The following SRD5A2 variants were observed in gnomAD, a reference collection of about 807,000 sequenced individuals.
The protein encoded by SRD5A2 is steroid 5 alpha-reductase 2.
Under a neutral mutation model 27.4 loss-of-function variants are expected in SRD5A2, and 30 were observed. The observed-to-expected ratio is 1.10, with a 90% CI of 0.82 to 1.49. The LOEUF is 1.49. Among genes scored for constraint, SRD5A2 ranks in the 40% most tolerant of loss-of-function variants. SRD5A2 has a pLI of 0.00. For synonymous variants in SRD5A2, 141 were observed against 133.6 expected (o/e 1.06, Z -0.38); for missense variants, 348 against 323.4 (o/e 1.08, Z -0.58).
chr2:31,565,549 T>A (rs1417762589), intron 1 of SRD5A2, among the ~76,000 whole-genome samples: 1 of 151,710 alleles, frequency 6.6e-6, no homozygotes, highest in African/African-American at 2.4e-5. Flanking sequence ...TAAAAAGAAA[T>A]CTGTAGTGGC....
At chr2:31,600,500 T>C in the SRD5A2 span, among the ~76,000 whole-genome samples, 1 of 152,032 alleles carries the variant, frequency 6.6e-6, no homozygotes, top group Admixed American at 6.6e-5. Flanking sequence ...CAGCATCTGT[T>C]ATTTTTTGAC....
At chr2:31,539,186 A>G (rs188254204) in intron 1 of SRD5A2, among the ~76,000 whole-genome samples, 2 of 152,350 alleles carry the variant, frequency 1.3e-5, no homozygotes, top group East Asian at 3.9e-4. Flanking sequence ...CATATGGGCT[A>G]GAAACCTTAG....
At chr2:31,575,481 G>C (rs1020340717) in intron 1 of SRD5A2, among the ~76,000 whole-genome samples, 22 of 152,186 alleles carry the variant, frequency 1.4e-4, no homozygotes, top group African/African-American at 5.3e-4. Context: ...CCAAAGAACA[G>C]CATCACAACT....
rs566572415 is a variant in SRD5A2 at position 31,556,769 on chromosome 2, T to G, written c.282-23003A>C. Among the ~76,000 whole-genome samples the G allele has an allele frequency of 7.0e-4, 106 of 152,322 alleles. 1 individual carries two copies. The South Asian group carries it at 0.022, about 31-fold the overall frequency. ...TATTTTGTTTTAAGCCACTTTGTGG[T>G]AATTTATTACAGCAGTCACAGGAAG... On this transcript the variant is annotated intron_variant, in intron 1 of 4. Transcript: ENST00000622030.
At chr2:31,587,018 T>C in the SRD5A2 span, among the ~76,000 whole-genome samples, 42 of 152,212 alleles carry the variant, frequency 2.8e-4, no homozygotes, top group African/African-American at 9.2e-4. Context: ...ATCAGATAAA[T>C]TTAACAAAGA....
At chr2:31,571,195 T>C (rs899437394) in intron 1 of SRD5A2, among the ~76,000 whole-genome samples, 3 of 152,060 alleles carry the variant, frequency 2.0e-5, no homozygotes, top group Non-Finnish European at 4.4e-5. Flanking sequence ...TGGAACAGGA[T>C]AGAGTGCCCA....
At chr2:31,588,013 C>T in the SRD5A2 span, among the ~76,000 whole-genome samples, 1 of 151,816 alleles carries the variant, frequency 6.6e-6, no homozygotes, top group Non-Finnish European at 1.5e-5. Flanking sequence ...CAGAATTGAT[C>T]AAGCAGAAGA....
At chr2:31,653,178 T>C in the SRD5A2 span, among the ~76,000 whole-genome samples, 1 of 152,244 alleles carries the variant, frequency 6.6e-6, no homozygotes, top group African/African-American at 2.4e-5. Context: ...AAGTCCGTCC[T>C]AGTTCCAAGG....
At chr2:31,642,986 G>GA in the SRD5A2 span, among the ~76,000 whole-genome samples, 22 of 151,104 alleles carry the variant, frequency 1.5e-4, no homozygotes, top group South Asian at 3.2e-3. Context: ...ATTTACGGTG[G>GA]AAAAAAAAAG....
At chr2:31,600,313 G>A in the SRD5A2 span, among the ~76,000 whole-genome samples, 15 of 151,922 alleles carry the variant, frequency 9.9e-5, no homozygotes, top group South Asian at 2.1e-4. Context: ...ACGTCTTTAC[G>A]ATAGAATGAT....
intron 2 of SRD5A2, among the ~76,000 whole-genome samples, chr2:31,531,849 G>A (rs558529676): frequency 6.6e-6 from 1 of 152,294 alleles, no homozygotes; most frequent in African/African-American, 2.4e-5. Flanking sequence ...CTCAACAGCT[G>A]ATTCCAGCCC....
chr2:31,595,691 C>T, the SRD5A2 span, among the ~76,000 whole-genome samples: 2 of 152,118 alleles, frequency 1.3e-5, no homozygotes, highest in African/African-American at 4.8e-5. Context: ...AGAGTCCTCC[C>T]TACATCATTT....
chr2:31,596,385 CAAAAA>C, the SRD5A2 span, among the ~76,000 whole-genome samples: 3 of 63,884 alleles, frequency 4.7e-5, no homozygotes, highest in Admixed American at 3.9e-4. Context: ...AAGACTCCAC[CAAAAA>C]AAAAAAAAAA....
chr2:31,584,494 G>A (rs1227433282), upstream of SRD5A2, among the ~76,000 whole-genome samples: 1 of 152,100 alleles, frequency 6.6e-6, no homozygotes, highest in East Asian at 1.9e-4. Flanking sequence ...TTAAGGACAT[G>A]GTCCTCCATA....
the SRD5A2 span, among the ~76,000 whole-genome samples, chr2:31,656,678 G>A: frequency 1.3e-5 from 2 of 152,146 alleles, no homozygotes; most frequent in East Asian, 1.9e-4. Context: ...GAGAGACTAA[G>A]GCCCCACCAG....
intron 1 of SRD5A2, among the ~76,000 whole-genome samples, chr2:31,568,287 G>C (rs551122446): frequency 1.3e-5 from 2 of 152,118 alleles, no homozygotes. Flanking sequence ...TTTCAGACCT[G>C]TTTGTGTTAC....
chr2:31,632,605 T>C, the SRD5A2 span, among the ~76,000 whole-genome samples: 1 of 152,146 alleles, frequency 6.6e-6, no homozygotes, highest in Non-Finnish European at 1.5e-5. Context: ...TCCTGGACAC[T>C]GGCACGGCCT....
At chr2:31,622,989 A>G in the SRD5A2 span, among the ~76,000 whole-genome samples, 2 of 151,860 alleles carry the variant, frequency 1.3e-5, no homozygotes, top group Non-Finnish European at 2.9e-5. Context: ...TCAAATGCCA[A>G]ATGAGTTCTT....
chr2:31,558,255 A>G (rs1410647859), intron 1 of SRD5A2, among the ~76,000 whole-genome samples: 4 of 152,196 alleles, frequency 2.6e-5, no homozygotes, highest in African/African-American at 7.2e-5. Context: ...CAGGAGACCT[A>G]TTTGGTTATC....
Sources: allele counts gnomAD v4.1 joint callset (sites outside exome capture counted in the v4.1 genomes callset), GRCh38; gene constraint gnomAD v4.1.1; transcripts MANE v1.5; gene names NCBI Gene and HGNC (gene_info 2026-07-23, HGNC 2026-07-21).